FOXN3: variants seen among roughly 807,000 people sequenced by gnomAD.
The protein encoded by FOXN3 is forkhead box protein N3.
A neutral mutation model predicts 38.4 loss-of-function variants in FOXN3; 7 were observed. The observed-to-expected ratio is 0.18, with a 90% CI of 0.10 to 0.34. The LOEUF is 0.34. Ranked by LOEUF, FOXN3 falls within the 10% of genes least tolerant of loss-of-function variation. The probability of loss-of-function intolerance (pLI) is 1.00; values close to 1 mark genes in which losing one functional copy is unlikely to be tolerated. For missense variants in FOXN3, 456 were observed against 613.4 expected, an observed-to-expected ratio of 0.74 and a Z score of 2.71; for synonymous variants, 230 against 242.2, an observed-to-expected ratio of 0.95 and a Z score of 0.47.
chr14:89,565,145 C>A (rs1385276504), intron 1 of FOXN3, among the ~76,000 whole-genome samples: 1 of 141,208 alleles, frequency 7.1e-6, no homozygotes, highest in Non-Finnish European at 1.5e-5. Context: ...CAGAGAGACA[C>A]AAGGAGAACA....
intron 1 of FOXN3, among the ~76,000 whole-genome samples, chr14:89,502,945 C>T (rs1309452350): frequency 6.6e-6 from 1 of 152,124 alleles, no homozygotes; most frequent in Non-Finnish European, 1.5e-5. Flanking sequence ...GAAAACCAAG[C>T]AGATAAAAGC....
intron 4 of FOXN3, among the ~76,000 whole-genome samples, chr14:89,208,871 A>T (rs1888451915): frequency 1.3e-5 from 2 of 152,134 alleles, no homozygotes; most frequent in South Asian, 4.2e-4. Context: ...AATCTGCTCG[A>T]CCCCTCCACC....
At chr14:89,197,036 T>G (rs1334083819) in intron 4 of FOXN3, among the ~76,000 whole-genome samples, 3 of 152,246 alleles carry the variant, frequency 2.0e-5, no homozygotes, top group Non-Finnish European at 4.4e-5. Flanking sequence ...AGAAATCATG[T>G]GATTTTCCAC....
intron 4 of FOXN3, among the ~76,000 whole-genome samples, chr14:89,194,809 C>CA (rs1888056254): frequency 6.6e-6 from 1 of 151,008 alleles, no homozygotes; most frequent in Non-Finnish European, 1.5e-5. Context: ...TATATATGTC[C>CA]AAAAATTATG....
chr14:89,318,160 C>CCCTT (rs1887783039), intron 3 of FOXN3, among the ~76,000 whole-genome samples: 1 of 65,186 alleles, frequency 1.5e-5, no homozygotes, highest in Non-Finnish European at 3.0e-5. Context: ...TCTTCTTCTT[C>CCCTT]TCTTTTTTTT....
intron 1 of FOXN3, among the ~76,000 whole-genome samples, chr14:89,574,027 T>C (rs1895548423): frequency 6.6e-6 from 1 of 151,894 alleles, no homozygotes; most frequent in South Asian, 2.1e-4. Flanking sequence ...CAAGACCCCA[T>C]CTCCAAAAAT....
chr14:89,598,340 C>T (rs1192876832), intron 1 of FOXN3, among the ~76,000 whole-genome samples: 1 of 152,076 alleles, frequency 6.6e-6, no homozygotes, highest in Non-Finnish European at 1.5e-5. Context: ...TCACTCCTTA[C>T]ATTTCTGAGC....
intron 3 of FOXN3, among the ~76,000 whole-genome samples, chr14:89,336,723 A>T (rs1888472595): frequency 6.6e-6 from 1 of 152,260 alleles, no homozygotes; most frequent in East Asian, 1.9e-4. Context: ...AGTCCAAAGC[A>T]GATGGAATAA....
At chr14:89,507,395 G>A (rs962007947) in intron 1 of FOXN3, among the ~76,000 whole-genome samples, 1 of 152,156 alleles carries the variant, frequency 6.6e-6, no homozygotes, top group African/African-American at 2.4e-5. Flanking sequence ...TCCTTAGCAG[G>A]CCAGGTAACA....
intron 1 of FOXN3, among the ~76,000 whole-genome samples, chr14:89,493,650 AT>A (rs1893624548): frequency 6.6e-6 from 1 of 152,100 alleles, no homozygotes. Flanking sequence ...TGGAGCCCCG[AT>A]TTCCCCTTAA....
intron 5 of FOXN3, among the ~76,000 whole-genome samples, chr14:89,178,887 A>G (rs1230444022): frequency 1.3e-5 from 2 of 152,234 alleles, no homozygotes; most frequent in Non-Finnish European, 2.9e-5. Context: ...GATAAACTGT[A>G]AGTCTATATT....
At chr14:89,316,724 G>A (rs983074870) in intron 3 of FOXN3, among the ~76,000 whole-genome samples, 4 of 148,874 alleles carry the variant, frequency 2.7e-5, no homozygotes, top group African/African-American at 1.0e-4. Context: ...GGAGTGCAAT[G>A]GTGCGATCTT....
intron 1 of FOXN3, among the ~76,000 whole-genome samples, chr14:89,516,058 C>T (rs1246667202): frequency 6.6e-6 from 1 of 152,160 alleles, no homozygotes; most frequent in East Asian, 1.9e-4. Flanking sequence ...AGCAATTAAA[C>T]ATTCAAATGG....
intron 1 of FOXN3, among the ~76,000 whole-genome samples, chr14:89,588,725 G>A (rs1275814800): frequency 1.3e-5 from 2 of 152,196 alleles, no homozygotes; most frequent in Non-Finnish European, 2.9e-5. Flanking sequence ...AGTTAAGTAT[G>A]AAGATATGTG....
chr14:89,185,464 C>G (rs1887779550), intron 4 of FOXN3: 1 of 152,334 alleles, frequency 6.6e-6, no homozygotes, highest in Non-Finnish European at 1.5e-5. Context: ...TCTTTCCCTT[C>G]CTTTTACTCT....
At chr14:89,540,358 A>G (rs1894769651) in intron 1 of FOXN3, among the ~76,000 whole-genome samples, 2 of 152,192 alleles carry the variant, frequency 1.3e-5, no homozygotes, top group African/African-American at 4.8e-5. Context: ...CTAAAACTGA[A>G]GCAAATCCTT....
At chr14:89,368,757 C>T (rs925149296) in intron 2 of FOXN3, among the ~76,000 whole-genome samples, 15 of 152,128 alleles carry the variant, frequency 9.9e-5, no homozygotes, top group African/African-American at 2.7e-4. Context: ...GATAGCATAC[C>T]TGTTTCTAAA....
At chr14:89,352,889 T>C (rs1889036575) in intron 2 of FOXN3, among the ~76,000 whole-genome samples, 1 of 152,146 alleles carries the variant, frequency 6.6e-6, no homozygotes, top group African/African-American at 2.4e-5. Flanking sequence ...TATGCTACCA[T>C]TTAAAAGCTA....
At chr14:89,534,966 G>A (rs546569603) in intron 1 of FOXN3, among the ~76,000 whole-genome samples, 102 of 152,264 alleles carry the variant, frequency 6.7e-4, no homozygotes, top group Non-Finnish European at 1.2e-3. Context: ...TGCTTCAATT[G>A]AAGATATATT....
Sources: gnomAD v4.1 joint callset for allele counts (sites outside exome capture counted in the v4.1 genomes callset) on GRCh38, gnomAD v4.1.1 for gene constraint, MANE v1.5 for transcripts, NCBI Gene and HGNC (gene_info 2026-07-23, HGNC 2026-07-21) for gene names.